Variants in TANC2 observed in about 807,000 individuals in gnomAD.
The protein encoded by TANC2 is tetratricopeptide repeat, ankyrin repeat and coiled-coil containing 2.
Under a neutral mutation model 210.5 loss-of-function variants are expected in TANC2, and 26 were observed. The observed-to-expected ratio is 0.12, with a 90% CI of 0.09 to 0.17. The LOEUF (loss-of-function observed/expected upper bound fraction) is 0.17. Ranked by LOEUF, TANC2 falls within the 10% of genes least tolerant of loss-of-function variation. TANC2 has a pLI of 1.00. For missense variants in TANC2, 2,129 were observed against 2,608.9 expected, an observed-to-expected ratio of 0.82 and a Z score of 4.01; for synonymous variants, 931 against 967.1, an observed-to-expected ratio of 0.96 and a Z score of 0.69.
intron 11 of TANC2, among the ~76,000 whole-genome samples, chr17:63,329,476 A>G (rs1048821460): frequency 2.6e-5 from 4 of 152,220 alleles, no homozygotes; most frequent in Non-Finnish European, 5.9e-5. Context: ...TGACAATTTA[A>G]AAACTATTCT....
intron 11 of TANC2, among the ~76,000 whole-genome samples, chr17:63,329,378 T>C (rs2146698490): frequency 6.6e-6 from 1 of 152,208 alleles, no homozygotes; most frequent in South Asian, 2.1e-4. Context: ...TTTTGAAACA[T>C]GTTCAAACTC....
intron 1 of TANC2, among the ~76,000 whole-genome samples, chr17:63,001,513 C>T (rs985630213): frequency 2.0e-5 from 3 of 147,050 alleles, no homozygotes; most frequent in African/African-American, 7.5e-5. Flanking sequence ...GTTTCCTTTT[C>T]GTTTTTCTTT....
intron 2 of TANC2, among the ~76,000 whole-genome samples, chr17:63,048,988 C>A (rs952699106): frequency 2.0e-5 from 3 of 151,948 alleles, no homozygotes; most frequent in African/African-American, 7.3e-5. Flanking sequence ...TAAATTTAGC[C>A]CTTAGTAAAA....
intron 8 of TANC2, among the ~76,000 whole-genome samples, chr17:63,255,107 T>TTTA (rs2043155810): frequency 1.4e-5 from 2 of 138,958 alleles, no homozygotes; most frequent in Non-Finnish European, 3.0e-5. Context: ...TTATTTATTT[T>TTTA]TATTTATTTA....
At chr17:63,143,396 A>G (rs1168299032) in intron 4 of TANC2, among the ~76,000 whole-genome samples, 1 of 152,180 alleles carries the variant, frequency 6.6e-6, no homozygotes, top group Non-Finnish European at 1.5e-5. Flanking sequence ...AGAAGGAGAT[A>G]AAGATGAAAA....
At chr17:63,141,469 A>T (rs936085651) in intron 4 of TANC2, among the ~76,000 whole-genome samples, 12 of 137,942 alleles carry the variant, frequency 8.7e-5, no homozygotes, top group African/African-American at 1.8e-4. Flanking sequence ...CCAGAGGCTG[A>T]GGTGGGAGAA....
chr17:63,154,572 C>T (rs1007892070), intron 5 of TANC2: 1 of 152,044 alleles, frequency 6.6e-6, no homozygotes, highest in Non-Finnish European at 1.5e-5. Flanking sequence ...AACCTTTCTA[C>T]CTGTTTCTTC....
At chr17:63,346,175 G>GA (rs1303733834) in intron 12 of TANC2, among the ~76,000 whole-genome samples, 2 of 152,034 alleles carry the variant, frequency 1.3e-5, no homozygotes, top group African/African-American at 4.8e-5. Flanking sequence ...AAAGCTAATA[G>GA]AAAAAACATA....
Position 63,250,077 on chromosome 17 carries a change from A to G in TANC2, c.1033+12000A>G, listed in dbSNP as rs1370307624. 1.7e-4 allele frequency among the ~76,000 whole-genome samples: 5 copies of G among 29,898 alleles called. No homozygotes were observed. In the African/African-American group the frequency reaches 4.3e-3, roughly 26 times the overall value. 19.6% of individuals were successfully genotyped at this position (29,898 alleles called of 152,430 possible). ...AGCTGTTACAACCTGATGAAATCTA[A>G]AAAAAAGCTGTTCTTTTTTTCTTTT... On this transcript the variant is annotated intron_variant, in intron 8 of 27. Coordinates refer to ENST00000689528, the Ensembl canonical transcript of TANC2.
chr17:63,057,155 G>T (rs2035835418), intron 2 of TANC2, among the ~76,000 whole-genome samples: 1 of 152,026 alleles, frequency 6.6e-6, no homozygotes, highest in Admixed American at 6.6e-5. Context: ...TTAAAACAGA[G>T]AATGCAATGC....
intron 2 of TANC2, among the ~76,000 whole-genome samples, chr17:63,014,674 TACTA>T (rs2034026328): frequency 6.6e-6 from 1 of 152,220 alleles, no homozygotes; most frequent in Admixed American, 6.6e-5. Context: ...AATTATTACA[TACTA>T]GACTTTTGAA....
chr17:63,055,203 G>T (rs965102230), intron 2 of TANC2, among the ~76,000 whole-genome samples: 10 of 152,032 alleles, frequency 6.6e-5, no homozygotes, highest in African/African-American at 2.4e-4. Flanking sequence ...CTACATAAAT[G>T]ACATTTCTTT....
chr17:63,132,546 G>C (rs1312048860), intron 4 of TANC2, among the ~76,000 whole-genome samples: 1 of 152,122 alleles, frequency 6.6e-6, no homozygotes, highest in Non-Finnish European at 1.5e-5. Context: ...TCTCCAGCTA[G>C]CTCTCTTTTT....
intron 4 of TANC2, among the ~76,000 whole-genome samples, chr17:63,111,035 G>A (rs34536594): frequency 0.14 from 21,166 of 152,146 alleles, 1,909 homozygotes; most frequent in Middle Eastern, 0.21. Context: ...TATCATGGCC[G>A]GGAATGGTGG....
At chr17:63,425,189 C>T (rs2049115239) in exon 28 of TANC2, 1 of 152,172 alleles carries the variant, frequency 6.6e-6, no homozygotes, top group Admixed American at 6.5e-5. Context: ...GCTCCTCCCC[C>T]ATGTGCCCCT....
chr17:63,299,774 T>C (rs112562460), intron 9 of TANC2, among the ~76,000 whole-genome samples: 23,188 of 152,038 alleles, frequency 0.15, 2,101 homozygotes, highest in Middle Eastern at 0.21. Context: ...TGTGCAGAAG[T>C]TCTTTAGTTT....
intron 7 of TANC2, among the ~76,000 whole-genome samples, chr17:63,210,770 T>C (rs2041861562): frequency 6.6e-6 from 1 of 152,226 alleles, no homozygotes; most frequent in Non-Finnish European, 1.5e-5. Flanking sequence ...ATCAGGGCAC[T>C]GTCTTCATGC....
intron 1 of TANC2, among the ~76,000 whole-genome samples, chr17:62,997,632 T>C (rs996519680): frequency 6.6e-6 from 1 of 152,242 alleles, no homozygotes; most frequent in Non-Finnish European, 1.5e-5. Context: ...TGTGGTCATA[T>C]TTTTATAATT....
At chr17:63,067,164 A>T (rs1302884284) in intron 2 of TANC2, among the ~76,000 whole-genome samples, 2 of 152,244 alleles carry the variant, frequency 1.3e-5, no homozygotes, top group Non-Finnish European at 1.5e-5. Flanking sequence ...TAATGTCCGG[A>T]TGCAACCAAA....
Sources: gnomAD v4.1 joint callset for allele counts (sites outside exome capture counted in the v4.1 genomes callset) on GRCh38, gnomAD v4.1.1 for gene constraint, MANE v1.5 for transcripts, NCBI Gene and HGNC (gene_info 2026-07-23, HGNC 2026-07-21) for gene names.